The following DAB1 variants were observed in gnomAD, a reference collection of about 807,000 sequenced individuals.
DAB1 encodes the protein DAB adaptor protein 1.
Under a neutral mutation model 64.6 loss-of-function variants are expected in DAB1, and 15 were observed. The observed-to-expected ratio is 0.23, with a 90% CI of 0.16 to 0.36. The LOEUF (loss-of-function observed/expected upper bound fraction) is 0.36, where lower values mean the gene tolerates loss of function less well. Among genes scored for constraint, DAB1 ranks in the 10% least tolerant of loss-of-function variants. DAB1 has a pLI of 1.00. For synonymous variants in DAB1, 235 were observed against 251.9 expected (o/e 0.93, Z 0.64); for missense variants, 596 against 706.7 (o/e 0.84, Z 1.78).
chr1:57,775,563 G>A (rs902229078), intron 6 of DAB1, among the ~76,000 whole-genome samples: 1 of 151,292 alleles, frequency 6.6e-6, no homozygotes, highest in Non-Finnish European at 1.5e-5. Context: ...AAAAAAAATT[G>A]ATTTTTAATC....
At chr1:57,945,150 C>A (rs1015618289) in intron 5 of DAB1, among the ~76,000 whole-genome samples, 1 of 152,124 alleles carries the variant, frequency 6.6e-6, no homozygotes, top group Non-Finnish European at 1.5e-5. Context: ...TATTCTCTAG[C>A]CTAAATGCTT....
intron 7 of DAB1, among the ~76,000 whole-genome samples, chr1:57,503,280 G>C (rs570110701): frequency 1.3e-5 from 2 of 152,260 alleles, no homozygotes; most frequent in African/African-American, 4.8e-5. Flanking sequence ...TTGCCCTGGG[G>C]CTCAGACTAT....
intron 4 of DAB1, among the ~76,000 whole-genome samples, chr1:57,089,297 C>A (rs1027941277): frequency 6.6e-6 from 1 of 152,112 alleles, no homozygotes; most frequent in Non-Finnish European, 1.5e-5. Context: ...AAAGTTAATG[C>A]TTAGTAAGTG....
chr1:58,206,240 G>C (rs780861623), intron 4 of DAB1, among the ~76,000 whole-genome samples: 2 of 152,292 alleles, frequency 1.3e-5, no homozygotes, highest in South Asian at 4.2e-4. Flanking sequence ...CTCTAACTGG[G>C]AAGGAAGCTT....
intron 4 of DAB1, among the ~76,000 whole-genome samples, chr1:57,119,543 G>A (rs1247679491): frequency 6.6e-6 from 1 of 152,062 alleles, no homozygotes; most frequent in Non-Finnish European, 1.5e-5. Flanking sequence ...GTAATAAAAC[G>A]TATAATGCAT....
chr1:57,376,497 C>T (rs1166361938), intron 1 of DAB1, among the ~76,000 whole-genome samples: 4 of 152,234 alleles, frequency 2.6e-5, no homozygotes, highest in African/African-American at 9.6e-5. Flanking sequence ...GAATATCTGA[C>T]TGTTTTATTC....
chr1:57,073,123 T>C (rs1446167715), intron 4 of DAB1, among the ~76,000 whole-genome samples: 1 of 152,218 alleles, frequency 6.6e-6, no homozygotes, highest in Non-Finnish European at 1.5e-5. Context: ...TCTGTCTCCC[T>C]GGAGAAATAA....
chr1:57,638,388 G>A (rs899885498), intron 7 of DAB1, among the ~76,000 whole-genome samples: 1 of 152,108 alleles, frequency 6.6e-6, no homozygotes, highest in Non-Finnish European at 1.5e-5. Flanking sequence ...TCTGGGCGAG[G>A]AGTGTCAGAT....
chr1:57,607,983 G>T (rs181791730), intron 7 of DAB1, among the ~76,000 whole-genome samples: 1 of 152,064 alleles, frequency 6.6e-6, no homozygotes, highest in East Asian at 1.9e-4. Context: ...ATGCAACATG[G>T]GGCAAAAATA....
intron 5 of DAB1, among the ~76,000 whole-genome samples, chr1:58,069,578 AC>A (rs1460530433): frequency 1.3e-5 from 2 of 152,166 alleles, no homozygotes; most frequent in Non-Finnish European, 2.9e-5. Flanking sequence ...GCCCCAGTTC[AC>A]CCAGACAGCG....
intron 5 of DAB1, among the ~76,000 whole-genome samples, chr1:58,066,388 C>T (rs928961052): frequency 2.6e-5 from 4 of 152,138 alleles, no homozygotes; most frequent in African/African-American, 9.7e-5. Context: ...CTCTCATAAA[C>T]TTTTTTATGT....
In DAB1 at chr1:57,340,286, G is replaced by C. The variant is rs375164012; in HGVS notation, c.-136-49120C>G. On this transcript the variant is annotated intron_variant, in intron 1 of 14. Coordinates refer to ENST00000371236, the MANE Select transcript of DAB1 (RefSeq NM_001365792.1). The stretch of plus-strand genomic sequence containing the variant: ...TAATACAGAACTAAGGCAAATTAAT[G>C]CCTGTACACAAGTTCATTCTTCTTG... Among the ~76,000 whole-genome samples, 8 of 152,284 alleles carry C rather than the reference G, an allele frequency of 5.3e-5. No homozygotes were observed. The South Asian group carries it at 1.7e-3, about 32-fold the overall frequency.
intron 5 of DAB1, among the ~76,000 whole-genome samples, chr1:58,117,826 C>T (rs182739572): frequency 6.6e-6 from 1 of 150,820 alleles, no homozygotes; most frequent in African/African-American, 2.4e-5. Flanking sequence ...ACCCTAAAGA[C>T]CAGATATCAT....
chr1:57,000,156 G>C (rs1182473731), intron 14 of DAB1, among the ~76,000 whole-genome samples: 1 of 149,456 alleles, frequency 6.7e-6, no homozygotes, highest in African/African-American at 2.5e-5. Flanking sequence ...CCATTCTCCT[G>C]CCTCAGCCTC....
At chr1:57,282,721 G>A (rs1449599792) in intron 2 of DAB1, among the ~76,000 whole-genome samples, 2 of 151,996 alleles carry the variant, frequency 1.3e-5, no homozygotes, top group Non-Finnish European at 2.9e-5. Context: ...ATTACTCTCT[G>A]CCTCCAAACC....
intron 6 of DAB1, among the ~76,000 whole-genome samples, chr1:57,780,976 C>A (rs1442525981): frequency 6.6e-6 from 1 of 151,488 alleles, no homozygotes; most frequent in Non-Finnish European, 1.5e-5. Context: ...GATCTACCTG[C>A]CTTGGCCTCC....
intron 7 of DAB1, among the ~76,000 whole-genome samples, chr1:57,466,586 C>T (rs1369135787): frequency 6.6e-6 from 1 of 152,200 alleles, no homozygotes; most frequent in East Asian, 1.9e-4. Context: ...TATTCTCCCA[C>T]AGTTCTGCAA....
intron 9 of DAB1, among the ~76,000 whole-genome samples, chr1:57,028,003 G>A (rs977462225): frequency 2.0e-5 from 3 of 152,168 alleles, no homozygotes; most frequent in Non-Finnish European, 4.4e-5. Context: ...CCAATCTGTA[G>A]ATGCAAATAA....
chr1:57,741,744 G>A (rs1197633231), intron 6 of DAB1, among the ~76,000 whole-genome samples: 4 of 152,178 alleles, frequency 2.6e-5, no homozygotes, highest in South Asian at 2.1e-4. Context: ...TTCCACTGCC[G>A]AGTGAGAAAT....
Sources: allele counts gnomAD v4.1 joint callset (sites outside exome capture counted in the v4.1 genomes callset), GRCh38; gene constraint gnomAD v4.1.1; transcripts MANE v1.5; gene names NCBI Gene and HGNC (gene_info 2026-07-23, HGNC 2026-07-21).